The following ZNF286A variants were observed in gnomAD, a reference collection of about 807,000 sequenced individuals.
ZNF286A encodes zinc finger protein 286A.
In ZNF286A, 34 loss-of-function variants were observed where a neutral mutation model predicts 49.3. That is an observed-to-expected ratio of 0.69 (90% CI 0.52 to 0.92). The LOEUF is 0.92. Ranked by LOEUF, ZNF286A falls within the 40% of genes least tolerant of loss-of-function variation. The pLI is 0.00. For synonymous variants in ZNF286A, 155 were observed against 200.4 expected, an observed-to-expected ratio of 0.77 and a Z score of 1.91; for missense variants, 462 against 600.2, an observed-to-expected ratio of 0.77 and a Z score of 2.41.
In ZNF286A at chr17:15,716,209, T is replaced by C; in HGVS notation, c.485T>C (p.Leu162Ser). ...GCAGCCCTTGAATGTGAAAATTGGT[T>C]AGAGAATCAGCAAGGAAATCAGGAG... ...LEAALECENW[L>S]ENQQGNQERH... is the part of the protein sequence containing the mutation. Residue 162 changes from leucine (L) to serine (S), a missense_variant, in exon 6 of 6, where the codon TTA becomes TCA. Transcript: ENST00000583566. 1 of 1,613,850 alleles carries C rather than the reference T, an allele frequency of 6.2e-7. No individual in the cohort carries two copies. The highest frequency in any genetic ancestry group is 8.5e-7 in the Non-Finnish European group (1 of 1,179,802).
intron 3 of ZNF286A, chr17:15,704,468 C>T (rs1990046489): frequency 3.1e-6 from 5 of 1,613,388 alleles, no homozygotes; most frequent in Non-Finnish European, 4.2e-6. Context: ...GCCCGAGCCG[C>T]ATACTCCTCG....
chr17:15,706,342 A>T (rs1288557050), intron 3 of ZNF286A, 45 bp from the exon 4 acceptor site: 1 of 1,526,712 alleles, frequency 6.6e-7, no homozygotes, highest in Admixed American at 1.7e-5. Context: ...GATGAAAGAG[A>T]AGTAATTAAG....
At chr17:15,707,168 C>T (rs554982592) in intron 4 of ZNF286A, among the ~76,000 whole-genome samples, 3 of 152,222 alleles carry the variant, frequency 2.0e-5, no homozygotes, top group South Asian at 2.1e-4. Flanking sequence ...AGGCCGGGCG[C>T]GGTGGCTCAC....
intron 5 of ZNF286A, among the ~76,000 whole-genome samples, chr17:15,711,645 A>G (rs1990654566): frequency 6.6e-6 from 1 of 152,192 alleles, no homozygotes; most frequent in South Asian, 2.1e-4. Context: ...CCTTTGTGGG[A>G]CATGGTGTCT....
chr17:15,700,172 A>G lies in ZNF286A; in HGVS notation c.-158A>G. The G allele has an allele frequency of 1.8e-6, 1 of 560,952 alleles. No individual in the cohort carries two copies. 34.7% of individuals were successfully genotyped at this position (560,952 alleles called of 1,614,324 possible). A position where few individuals can be genotyped will look rare whatever the true frequency, so the allele number is the denominator to read the frequency against. On this transcript the variant is annotated 5_prime_UTR_variant, in exon 2 of 6. An upstream open reading frame in the 5' UTR loses its in-frame stop. Coordinates refer to ENST00000583566, the MANE Select transcript of ZNF286A (RefSeq NM_001130842.2). ...TAGGACTGAGGCAGACTCCACGGTG[A>G]GAAAGAGACCCGATCTAACCCAGGC...
intron 5 of ZNF286A, among the ~76,000 whole-genome samples, chr17:15,714,019 T>C (rs1303839794): frequency 6.6e-6 from 1 of 152,132 alleles, no homozygotes; most frequent in Non-Finnish European, 1.5e-5. Flanking sequence ...AATGATTGCA[T>C]GGTATATTTC....
At chr17:15,704,987 G>T (rs1208931518) in intron 3 of ZNF286A, 9 of 1,040,104 alleles carry the variant, frequency 8.7e-6, no homozygotes, top group Admixed American at 3.3e-5. Context: ...AACTGCTGCC[G>T]CTGCGGCCCT....
At chr17:15,715,686 A>G (rs1451974780) in intron 5 of ZNF286A, among the ~76,000 whole-genome samples, 1 of 152,158 alleles carries the variant, frequency 6.6e-6, no homozygotes, top group East Asian at 1.9e-4. Context: ...ACTGTACATT[A>G]AGATGGTTAT....
At chr17:15,712,711 A>G (rs1459562713) in intron 5 of ZNF286A, among the ~76,000 whole-genome samples, 2 of 152,064 alleles carry the variant, frequency 1.3e-5, no homozygotes, top group Non-Finnish European at 2.9e-5. Flanking sequence ...AATCTTTGTG[A>G]TTCCGCCTTT....
chr17:15,704,611 T>C (rs1990062328), intron 3 of ZNF286A: 4 of 1,614,044 alleles, frequency 2.5e-6, no homozygotes, highest in African/African-American at 2.7e-5. Flanking sequence ...CTTGAGCACG[T>C]TGACGCAGAT....
In ZNF286A at chr17:15,716,959, G is replaced by A. The variant is rs369142740; in HGVS notation, c.1235G>A (p.Cys412Tyr). ...RVHTGEKPYE[C>Y]SECGKTFSQS... is the part of the protein sequence containing the mutation. ...CATACTGGAGAAAAGCCATATGAAT[G>A]CAGTGAATGTGGAAAAACTTTTAGT... The change falls in exon 6 of 6, where the codon TGC becomes TAC. Residue 412 changes from cysteine (C) to tyrosine (Y), a missense_variant. By Grantham distance (194) the Cys-to-Tyr change is radical. Coordinates refer to ENST00000583566, the MANE Select transcript of ZNF286A (RefSeq NM_001130842.2). 4.5e-5 allele frequency: 73 copies of A among 1,611,358 alleles called. No homozygotes were observed. The highest frequency in any genetic ancestry group is 5.9e-5 in the Non-Finnish European group (70 of 1,178,396).
At position 15,699,766 on chromosome 17, in the gene ZNF286A, C is replaced by T. The variant is rs1175278839; in HGVS notation, c.-207C>T. The T allele has an allele frequency of 3.1e-5, 22 of 702,782 alleles. No individual in the cohort carries two copies. The highest frequency in any genetic ancestry group is 5.5e-5 in the Non-Finnish European group (21 of 384,890). The allele number at this position is 702,782 out of a possible 1,614,324, so 43.5% of individuals were successfully genotyped here. ...AAGAAGTTCGTCCCCTTTGTGAGGC[C>T]CGGGATGGGAGGTGAGTTGCTTGTG... On this transcript the variant is annotated 5_prime_UTR_variant, in exon 1 of 6. Transcript: ENST00000583566.
At chr17:15,705,093 T>C (rs1240261710) in intron 3 of ZNF286A, among the ~76,000 whole-genome samples, 1 of 152,236 alleles carries the variant, frequency 6.6e-6, no homozygotes, top group South Asian at 2.1e-4. Context: ...CCGGCAGCAC[T>C]TAATTCTCTT....
rs930395181 is a variant in ZNF286A at position 15,717,973 on chromosome 17, G to A, written c.*683G>A. Reference sequence around the variant, plus strand: ...TTTTGAGACAGAGTCTTGCTCTGTTGCCCGGGCTGGAGTGCAGTGGCGCGA... The same window carrying A: ...TTTTGAGACAGAGTCTTGCTCTGTTACCCGGGCTGGAGTGCAGTGGCGCGA... On this transcript the variant is annotated 3_prime_UTR_variant, in exon 6 of 6. Transcript: ENST00000583566. 10 of 116,714 alleles carry A rather than the reference G, an allele frequency of 8.6e-5. No homozygotes were observed. Among genetic ancestry groups the A allele is most frequent in the African/African-American group, 3.4e-4 (10 of 29,020 alleles). The allele number at this position is 116,714 out of a possible 1,614,324, so 7.2% of individuals were successfully genotyped here. A position where few individuals can be genotyped will look rare whatever the true frequency, so the allele number is the denominator to read the frequency against.
intron 3 of ZNF286A, among the ~76,000 whole-genome samples, chr17:15,702,038 C>T (rs568687547): frequency 2.0e-5 from 3 of 151,758 alleles, no homozygotes; most frequent in African/African-American, 2.4e-5. Flanking sequence ...AGGAGAATCA[C>T]TTGAACCTAG....
chr17:15,717,181 G>T lies in ZNF286A; in HGVS notation c.1457G>T (p.Arg486Ile), dbSNP rs778073514. The T allele has an allele frequency of 6.8e-6, 11 of 1,608,810 alleles. No homozygotes were observed. Among genetic ancestry groups the T allele is most frequent in the Non-Finnish European group, 9.3e-6 (11 of 1,177,664 alleles). ...IHSSALIQHQ[R>I]THTGEKPFRC... ...TCATCAGCTCTCATTCAACATCAGA[G>T]AACTCATACCGGAGAGAAACCCTTT... The change falls in exon 6 of 6, where the codon AGA becomes ATA. Residue 486 changes from arginine (R) to isoleucine (I), a missense_variant. Arg to Ile is a moderately conservative substitution (Grantham distance 97, BLOSUM62 -3). Around this residue, in one of 3 missense-constraint regions of ZNF286A, gnomAD observed 201 missense variants for 311.3 expected, o/e 0.65. Transcript: ENST00000583566.
chr17:15,714,709 C>A (rs574751693), intron 5 of ZNF286A, among the ~76,000 whole-genome samples: 1 of 152,218 alleles, frequency 6.6e-6, no homozygotes, highest in African/African-American at 2.4e-5. Context: ...ATTAAATTTT[C>A]TCTTCCTCTA....
chr17:15,706,246 C>A, intron 3 of ZNF286A, 141 bp from the exon 4 acceptor site: 1 of 646,696 alleles, frequency 1.5e-6, no homozygotes. Context: ...AATCTGACGA[C>A]CATTAGAATA....
In ZNF286A at chr17:15,716,149, T is replaced by C. The variant is rs2151482977; in HGVS notation, c.425T>C (p.Leu142Pro). The C allele has an allele frequency of 6.2e-7, 1 of 1,613,880 alleles. No homozygotes were observed. The highest frequency in any genetic ancestry group is 1.3e-5 in the African/African-American group (1 of 75,058). Residue 142 changes from leucine (L) to proline (P), a missense_variant, in exon 6 of 6, where the codon CTG (leucine) becomes CCG (proline). By Grantham distance (98) the Leu-to-Pro change is moderately conservative (BLOSUM62 -3). This residue lies in a region of ZNF286A where 259 missense variants were observed against 272.2 expected (regional missense o/e 0.95). Transcript: ENST00000583566. ...TGCAAAGTTGCAATAATAGACAGAC[T>C]GACACGGAATAGTGTCTATGACTCT... The part of the protein sequence containing the change: ...ESCKVAIIDR[L>P]TRNSVYDSNL...
Sources: allele counts gnomAD v4.1 joint callset (sites outside exome capture counted in the v4.1 genomes callset), GRCh38; gene constraint gnomAD v4.1.1; regional missense constraint gnomAD v4.1.1; transcripts MANE v1.5; gene names NCBI Gene and HGNC (gene_info 2026-07-23, HGNC 2026-07-21).